The following TESK2 variants were observed in gnomAD, a reference collection of about 807,000 sequenced individuals.
TESK2 encodes the protein dual specificity testis-specific protein kinase 2.
A neutral mutation model predicts 57.1 loss-of-function variants in TESK2; 39 were observed. The observed-to-expected ratio is 0.68, with a 90% CI of 0.53 to 0.89. TESK2 has a LOEUF of 0.89. TESK2 is among the 40% of genes least tolerant of loss of function. The probability of loss-of-function intolerance (pLI) is 0.00; values close to 1 mark genes in which losing one functional copy is unlikely to be tolerated. For synonymous variants in TESK2, 249 were observed against 267.9 expected (o/e 0.93, Z 0.69); for missense variants, 646 against 732.1 (o/e 0.88, Z 1.36).
intron 2 of TESK2, among the ~76,000 whole-genome samples, chr1:45,430,047 A>G (rs1355263372): frequency 1.3e-5 from 2 of 152,154 alleles, no homozygotes; most frequent in South Asian, 2.1e-4. Flanking sequence ...AATAAAGACT[A>G]TTGAAGTCTT....
In TESK2 at chr1:45,345,953, C is replaced by T. The variant is rs1459252097; in HGVS notation, c.921G>A (p.Lys307=). The change falls in exon 10 of 11, where the codon AAG becomes AAA. Residue 307 remains lysine (K), a synonymous_variant. Coordinates refer to ENST00000372086, the MANE Select transcript of TESK2 (RefSeq NM_007170.3). ...GGCGGCTCAGAATTTCCTCCAGGGT[C>T]TTCCCAATCTCCACAAAAGATGGGC... ...KLRPSFVEIG[K]TLEEILSRLQ... 1 of 1,614,058 alleles carries T rather than the reference C, an allele frequency of 6.2e-7. No individual in the cohort carries two copies. The highest frequency in any genetic ancestry group is 1.3e-5 in the African/African-American group (1 of 74,930).
intron 1 of TESK2, among the ~76,000 whole-genome samples, chr1:45,463,612 CTCACTCTGTTGCCCAGGCTGGA>C (rs1440498682): frequency 6.6e-6 from 1 of 152,070 alleles, no homozygotes; most frequent in Non-Finnish European, 1.5e-5. Context: ...GAGACAGGGT[CTCACTCTGTTGCCCAGGCTGGA>C]ATGGAGTGGC....
At chr1:45,480,513 T>C (rs1235200118) in intron 1 of TESK2, among the ~76,000 whole-genome samples, 1 of 151,626 alleles carries the variant, frequency 6.6e-6, no homozygotes, top group African/African-American at 2.4e-5. Context: ...CAAATATCCT[T>C]GCACACATAT....
intron 2 of TESK2, among the ~76,000 whole-genome samples, chr1:45,442,735 C>T (rs1427729243): frequency 3.3e-5 from 5 of 152,196 alleles, no homozygotes; most frequent in Non-Finnish European, 7.3e-5. Flanking sequence ...CTTCCACTTC[C>T]ACATACTTCA....
intron 2 of TESK2, among the ~76,000 whole-genome samples, chr1:45,440,158 A>T (rs927317392): frequency 2.6e-5 from 4 of 151,764 alleles, no homozygotes; most frequent in African/African-American, 9.7e-5. Context: ...CACCAAGTTG[A>T]CCAGGCTGAT....
At chr1:45,479,191 C>T (rs1653114233) in intron 1 of TESK2, among the ~76,000 whole-genome samples, 2 of 151,984 alleles carry the variant, frequency 1.3e-5, no homozygotes, top group South Asian at 4.1e-4. Context: ...AGTAGCAATA[C>T]AAAACCCAAA....
intron 1 of TESK2, among the ~76,000 whole-genome samples, chr1:45,477,959 A>G (rs1408198507): frequency 6.6e-6 from 1 of 151,900 alleles, no homozygotes; most frequent in Non-Finnish European, 1.5e-5. Context: ...GCACTCAATT[A>G]ATGTCTTTTT....
intron 1 of TESK2, among the ~76,000 whole-genome samples, chr1:45,480,032 A>C (rs1653153333): frequency 1.3e-5 from 2 of 151,344 alleles, no homozygotes; most frequent in South Asian, 4.2e-4. Flanking sequence ...CATGTTGGTC[A>C]GCTGGTCTCG....
At chr1:45,415,130 T>C (rs931881256) in intron 3 of TESK2, 1 of 1,492,742 alleles carries the variant, frequency 6.7e-7, no homozygotes, top group Non-Finnish European at 9.3e-7. Context: ...CAGAAAACTT[T>C]TGTGCTCTGA....
rs1304205294 is a variant in TESK2, at chr1:45,346,749, G to A, written c.823C>T (p.His275Tyr). 1 of 1,614,076 alleles carries A rather than the reference G, an allele frequency of 6.2e-7. No individual in the cohort carries two copies. Among genetic ancestry groups the A allele is most frequent in the Non-Finnish European group, 8.5e-7 (1 of 1,180,006 alleles). The change falls in exon 9 of 11, where the codon CAC becomes TAC. Residue 275 changes from histidine to tyrosine, a missense_variant. Transcript: ENST00000372086. The part of the protein sequence containing the change: ...NFGLDYDAFQ[H>Y]MVGDCPPDFL... Reference sequence around the variant, plus strand: ...TCTGGGGGACAGTCTCCCACCATGTGCTGGAAAGCATCATAGTCCAGCCCG... The same window carrying A: ...TCTGGGGGACAGTCTCCCACCATGTACTGGAAAGCATCATAGTCCAGCCCG...
intron 2 of TESK2, among the ~76,000 whole-genome samples, chr1:45,449,221 C>CA (rs568238822): frequency 0.015 from 832 of 56,340 alleles, 9 homozygotes; most frequent in African/African-American, 0.04. Context: ...GACTCTGTCT[C>CA]AAAAAAAAAA....
At chr1:45,460,466 G>A (rs1373801788) in intron 1 of TESK2, among the ~76,000 whole-genome samples, 5 of 152,140 alleles carry the variant, frequency 3.3e-5, no homozygotes, top group Admixed American at 2.0e-4. Flanking sequence ...GTTGCAGTGA[G>A]CCGAGATCAT....
intron 1 of TESK2, among the ~76,000 whole-genome samples, chr1:45,461,714 CAT>C (rs1416868863): frequency 1.3e-5 from 2 of 152,168 alleles, no homozygotes; most frequent in Non-Finnish European, 1.5e-5. Context: ...CTATATAAAA[CAT>C]AGTTGTCTGC....
At chr1:45,353,339 C>A (rs1186744871) in intron 5 of TESK2, among the ~76,000 whole-genome samples, 1 of 152,210 alleles carries the variant, frequency 6.6e-6, no homozygotes, top group East Asian at 1.9e-4. Context: ...GGGCTCCTTA[C>A]AACTAGGCCT....
rs1652854706 is a variant in TESK2, at chr1:45,473,435, TA to T, written c.-86-15565del. On this transcript the variant is annotated intron_variant, in intron 1 of 10. Coordinates refer to ENST00000372086, the MANE Select transcript of TESK2 (RefSeq NM_007170.3). The stretch of plus-strand genomic sequence containing the variant: ...AACCACAATTACTTTTGCACCAACC[TA>T]ATATGTCACAGAAACCAAAAGTGGA... 2.0e-5 allele frequency among the ~76,000 whole-genome samples: 3 copies of T among 152,184 alleles called. No individual in the cohort carries two copies. The South Asian group carries it at 6.2e-4, about 31-fold the overall frequency.
rs1299695909 is a variant in TESK2 at position 45,456,608 on chromosome 1, T to C, written c.222+956A>G. ...TTTCCTTAAAAGAATTTTTTTAACA[T>C]GTTAATGGTAATACTTAGTAGTGAA... is the stretch of plus-strand genomic sequence containing the variant. On this transcript the variant is annotated intron_variant, in intron 2 of 10. Coordinates refer to ENST00000372086, the MANE Select transcript of TESK2 (RefSeq NM_007170.3). Among the ~76,000 whole-genome samples, 3 of 151,822 alleles carry C rather than the reference T, an allele frequency of 2.0e-5. No homozygotes were observed. In the East Asian group the frequency reaches 5.8e-4, roughly 29 times the overall value.
At position 45,346,703 on chromosome 1, in the gene TESK2, T is replaced by G; in HGVS notation, c.869A>C (p.Asn290Thr). Residue 290 changes from asparagine (N) to threonine (T), a missense_variant, in exon 9 of 11, where the codon AAC becomes ACC. Transcript: ENST00000372086. ...GAGAAAGACACTCACGTTACAGCAGTTGAAAGTAAGTTGCAGAAAATCTGG... is the reference window on the plus strand; with the variant it reads ...GAGAAAGACACTCACGTTACAGCAGGTGAAAGTAAGTTGCAGAAAATCTGG... Reference protein sequence around the residue: ...CPPDFLQLTFNCCNMDPKLRP... With the variant: ...CPPDFLQLTFTCCNMDPKLRP... The G allele has an allele frequency of 6.2e-7, 1 of 1,613,562 alleles. No individual in the cohort carries two copies. The highest frequency in any genetic ancestry group is 8.5e-7 in the Non-Finnish European group (1 of 1,179,860).
chr1:45,362,899 T>TC (rs1425251593), intron 4 of TESK2, among the ~76,000 whole-genome samples: 1 of 152,130 alleles, frequency 6.6e-6, no homozygotes, highest in East Asian at 1.9e-4. Context: ...TTTTTTTTTT[T>TC]CACACAGGAG....
At chr1:45,455,594 G>A (rs976754970) in intron 2 of TESK2, among the ~76,000 whole-genome samples, 2 of 152,152 alleles carry the variant, frequency 1.3e-5, no homozygotes, top group African/African-American at 4.8e-5. Context: ...AGTTACAGAA[G>A]GGAGAATTAG....
Sources: allele counts gnomAD v4.1 joint callset (sites outside exome capture counted in the v4.1 genomes callset), GRCh38; gene constraint gnomAD v4.1.1; transcripts MANE v1.5; gene names NCBI Gene and HGNC (gene_info 2026-07-23, HGNC 2026-07-21).